The following MRPS17 variants were observed in gnomAD, a reference collection of about 807,000 sequenced individuals.
The protein encoded by MRPS17 is small ribosomal subunit protein uS17m.
Under a neutral mutation model 11.3 loss-of-function variants are expected in MRPS17, and 6 were observed. The observed-to-expected ratio is 0.53, with a 90% CI of 0.29 to 1.05. MRPS17 has a LOEUF of 1.05. Ranked by LOEUF, MRPS17 falls within the 50% of genes least tolerant of loss-of-function variation. The pLI is 0.08. For missense variants in MRPS17, 139 were observed against 153.6 expected (o/e 0.90, Z 0.50); for synonymous variants, 56 against 60.4 (o/e 0.93, Z 0.34).
intron 2 of MRPS17, 110 bp from the exon 3 acceptor site, chr7:55,954,799 C>T: frequency 1.5e-6 from 2 of 1,346,628 alleles, no homozygotes; most frequent in South Asian, 1.4e-5. Context: ...AGTATCTTAT[C>T]TTTTCCTAAG....
chr7:55,953,402 G>A, intron 2 of MRPS17, 84 bp downstream of exon 2: 1 of 1,555,880 alleles, frequency 6.4e-7, no homozygotes, highest in Non-Finnish European at 8.7e-7. Context: ...TTATCTCTCA[G>A]TAAAGATGTC....
Position 55,955,090 on chromosome 7 carries a change from G to T in MRPS17, c.305G>T (p.Gly102Val), listed in dbSNP as rs532041275. 3 of 1,614,150 alleles carry T rather than the reference G, an allele frequency of 1.9e-6. No homozygotes were observed. The South Asian group carries it at 3.3e-5, about 18-fold the overall frequency. Residue 102 changes from glycine (G) to valine (V), a missense_variant, in exon 3 of 3, where the codon GGA (glycine) becomes GTA (valine). Gly to Val is a moderately radical substitution (Grantham distance 109). Transcript: ENST00000285298. ...CCAGTGACAGGAAAGCCCTGTGCTG[G>T]AACTACCTACCTGGAGAGTCCGTTG... is the stretch of plus-strand genomic sequence containing the variant. ...IDPVTGKPCA[G>V]TTYLESPLSS...
intron 1 of MRPS17, among the ~76,000 whole-genome samples, chr7:55,952,622 C>A (rs894017829): frequency 5.9e-5 from 9 of 151,992 alleles, no homozygotes; most frequent in African/African-American, 1.9e-4. Flanking sequence ...GTAGTCCCGG[C>A]TACTCGGGAG....
At chr7:55,953,440 A>ATTT in intron 2 of MRPS17, 122 bp downstream of exon 2, 1 of 1,397,226 alleles carries the variant, frequency 7.2e-7, no homozygotes, top group African/African-American at 1.4e-5. Context: ...TGAGCCAGGC[A>ATTT]TTTTGCTGGT....
chr7:55,955,059 A>T lies in MRPS17; in HGVS notation c.274A>T (p.Ile92Leu), dbSNP rs1444894360. Residue 92 changes from isoleucine (I) to leucine (L), a missense_variant, in exon 3 of 3, where the codon ATA becomes TTA. By Grantham distance (5) the Ile-to-Leu change is conservative (BLOSUM62 2). Coordinates refer to ENST00000285298, the MANE Select transcript of MRPS17 (RefSeq NM_015969.3). ...GATCGTTTTCAAAGTTGGAAAAGTCATAGATCCAGTGACAGGAAAGCCCTG... is the reference window on the plus strand; with the variant it reads ...GATCGTTTTCAAAGTTGGAAAAGTCTTAGATCCAGTGACAGGAAAGCCCTG... The part of the protein sequence containing the change: ...AEIVFKVGKV[I>L]DPVTGKPCAG... 4 of 1,614,096 alleles carry T rather than the reference A, an allele frequency of 2.5e-6. No homozygotes were observed. Among genetic ancestry groups the T allele is most frequent in the Non-Finnish European group, 3.4e-6 (4 of 1,180,050 alleles).
rs1201457603 is a variant in MRPS17, at chr7:55,955,359, C to G, written c.*181C>G. 2 of 732,748 alleles carry G rather than the reference C, an allele frequency of 2.7e-6. No homozygotes were observed. The highest frequency in any genetic ancestry group is 4.4e-6 in the Non-Finnish European group (2 of 454,994). 45.4% of individuals were successfully genotyped at this position (732,748 alleles called of 1,614,324 possible). A position where few individuals can be genotyped will look rare whatever the true frequency, so the allele number is the denominator to read the frequency against. ...TTCACAAAGGTTTATGGTCGTGTTT[C>G]AAATTTTCATCATTTCAGTGAACAT... On this transcript the variant is annotated 3_prime_UTR_variant, in exon 3 of 3. Transcript: ENST00000285298.
In MRPS17 at chr7:55,956,445, A is replaced by G. The variant is rs560032349; in HGVS notation, c.*1267A>G. The G allele has an allele frequency of 6.6e-5, 10 of 152,228 alleles. No individual in the cohort carries two copies. Among genetic ancestry groups the G allele is most frequent in the Middle Eastern group, 3.4e-3 (1 of 294 alleles). The allele number at this position is 152,228 out of a possible 1,614,324, so 9.4% of individuals were successfully genotyped here. A position where few individuals can be genotyped will look rare whatever the true frequency, so the allele number is the denominator to read the frequency against. On this transcript the variant is annotated 3_prime_UTR_variant, in exon 3 of 3. Coordinates refer to ENST00000285298, the MANE Select transcript of MRPS17 (RefSeq NM_015969.3). Reference sequence around the variant, plus strand: ...CCAGCCACTGGTCAGAATTCTTTCAATCAAGCTGTGTTAATAAGAATATTG... The same window carrying G: ...CCAGCCACTGGTCAGAATTCTTTCAGTCAAGCTGTGTTAATAAGAATATTG...
chr7:55,953,531 C>T (rs1388052123), intron 2 of MRPS17, among the ~76,000 whole-genome samples: 2 of 152,148 alleles, frequency 1.3e-5, no homozygotes, highest in African/African-American at 4.8e-5. Flanking sequence ...ATTCTGTATG[C>T]AAAGTACTGG....
Position 55,954,841 on chromosome 7 carries a change from A to G in MRPS17, c.124-68A>G, listed in dbSNP as rs1225299956. The G allele has an allele frequency of 5.2e-6, 8 of 1,538,174 alleles. No individual in the cohort carries two copies. In the Admixed American group the frequency reaches 7.7e-5, roughly 15 times the overall value. ...CTTGTTTTCCATACGTTACTTTTTC[A>G]TATTACATATTACATTACCAGGTCA... On this transcript the variant is annotated intron_variant, in intron 2 of 2. Coordinates refer to ENST00000285298, the MANE Select transcript of MRPS17 (RefSeq NM_015969.3).
intron 2 of MRPS17, among the ~76,000 whole-genome samples, chr7:55,954,402 T>G (rs1273776626): frequency 2.0e-5 from 3 of 152,192 alleles, no homozygotes; most frequent in Non-Finnish European, 4.4e-5. Context: ...TTTTCTCATA[T>G]GTACCTGCTG....
intron 2 of MRPS17, among the ~76,000 whole-genome samples, chr7:55,953,693 G>A (rs1365613701): frequency 3.9e-5 from 6 of 152,150 alleles, no homozygotes; most frequent in East Asian, 1.9e-4. Flanking sequence ...ATAGTGGTGC[G>A]CACCTGTAAT....
Position 55,951,916 on chromosome 7 carries a change from A to G in MRPS17, c.-32A>G, listed in dbSNP as rs949526079. ...GGCGCTCCCCGGGGCAGGTGGCTGC[A>G]TAGTCTTGGCGGAGGTGAGTCTCGT... On this transcript the variant is annotated 5_prime_UTR_variant, in exon 1 of 3. Transcript: ENST00000285298. The G allele has an allele frequency of 1.3e-5, 2 of 152,630 alleles. No homozygotes were observed. The highest frequency in any genetic ancestry group is 6.5e-5 in the Admixed American group (1 of 15,288). The allele number at this position is 152,630 out of a possible 1,614,324, so 9.5% of individuals were successfully genotyped here.
rs140794464 is a variant in MRPS17, at chr7:55,955,621, G to A, written c.*443G>A. 1 of 138,096 alleles carries A rather than the reference G, an allele frequency of 7.2e-6. No homozygotes were observed. The highest frequency in any genetic ancestry group is 1.5e-5 in the Non-Finnish European group (1 of 68,374). 8.6% of individuals were successfully genotyped at this position (138,096 alleles called of 1,614,324 possible). ...GCTAATTTTTTTTTTTTTTTTTTTG[G>A]TATTTTTAGTAGAGACGGGGTTTCA... On this transcript the variant is annotated 3_prime_UTR_variant, in exon 3 of 3. Transcript: ENST00000285298.
chr7:55,954,055 G>T lies in MRPS17; in HGVS notation c.123+737G>T, dbSNP rs527672983. Among the ~76,000 whole-genome samples the T allele has an allele frequency of 9.9e-5, 15 of 152,138 alleles. No individual in the cohort carries two copies. In the South Asian group the frequency reaches 1.9e-3, roughly 19 times the overall value. On this transcript the variant is annotated intron_variant, in intron 2 of 2. Transcript: ENST00000285298. ...GGAAACACGGGTAGGGATGAAGACTGGAGGTAAGGGAATGGGCAAAGAGGC... is the reference window on the plus strand; with the variant it reads ...GGAAACACGGGTAGGGATGAAGACTTGAGGTAAGGGAATGGGCAAAGAGGC...
Position 55,954,983 on chromosome 7 carries a change from C to G in MRPS17, c.198C>G (p.Leu66=). The G allele has an allele frequency of 1.9e-6, 3 of 1,614,198 alleles. No individual in the cohort carries two copies. Among genetic ancestry groups the G allele is most frequent in the South Asian group, 2.2e-5 (2 of 91,086 alleles). The change falls in exon 3 of 3, where the codon CTC becomes CTG. Residue 66 remains leucine (L), a synonymous_variant. Transcript: ENST00000285298. ...QQCTVGDIVL[L]RALPVPRAKH... is the part of the protein sequence containing the mutation. Reference sequence around the variant, plus strand: ...GCACAGTTGGGGATATTGTGCTTCTCAGAGCTTTACCTGTTCCACGAGCAA... The same window carrying G: ...GCACAGTTGGGGATATTGTGCTTCTGAGAGCTTTACCTGTTCCACGAGCAA...
chr7:55,954,757 C>T (rs900889756), intron 2 of MRPS17, 152 bp from the exon 3 acceptor site: 4 of 911,802 alleles, frequency 4.4e-6, no homozygotes, highest in Non-Finnish European at 5.0e-6. Context: ...CTATATCACT[C>T]AGGCTCTAAT....
chr7:55,955,226 T>C lies in MRPS17; in HGVS notation c.*48T>C. ...AAAGGGAAAAACTGACATGTTTATG[T>C]TATGGAAAAAGAAATTTTTCTAAGT... On this transcript the variant is annotated 3_prime_UTR_variant, in exon 3 of 3. Coordinates refer to ENST00000285298, the MANE Select transcript of MRPS17 (RefSeq NM_015969.3). 2 of 1,562,388 alleles carry C rather than the reference T, an allele frequency of 1.3e-6. No individual in the cohort carries two copies. The highest frequency in any genetic ancestry group is 1.4e-5 in the African/African-American group (1 of 72,708).
Position 55,954,981 on chromosome 7 carries a change from C to T in MRPS17, c.196C>T (p.Leu66Phe), listed in dbSNP as rs1200232815. ...GTGCACAGTTGGGGATATTGTGCTTCTCAGAGCTTTACCTGTTCCACGAGC... is the reference window on the plus strand; with the variant it reads ...GTGCACAGTTGGGGATATTGTGCTTTTCAGAGCTTTACCTGTTCCACGAGC... ...QQCTVGDIVL[L>F]RALPVPRAKH... Residue 66 changes from leucine to phenylalanine, a missense_variant, in exon 3 of 3, where the codon CTC (leucine) becomes TTC (phenylalanine). By Grantham distance (22) the Leu-to-Phe change is conservative (BLOSUM62 0). Coordinates refer to ENST00000285298, the MANE Select transcript of MRPS17 (RefSeq NM_015969.3). 1 of 1,614,172 alleles carries T rather than the reference C, an allele frequency of 6.2e-7. No homozygotes were observed. Among genetic ancestry groups the T allele is most frequent in the South Asian group, 1.1e-5 (1 of 91,090 alleles).
In MRPS17 at chr7:55,955,182, G is replaced by A. The variant is rs368177330; in HGVS notation, c.*4G>A. 4.3e-5 allele frequency: 69 copies of A among 1,609,250 alleles called. No homozygotes were observed. The highest frequency in any genetic ancestry group is 1.7e-4 in the Middle Eastern group (1 of 6,046). ...CAATATCTCTTCAGCACAGTGAAGC[G>A]GGAGTGGAAGAAGGATCTAAAGGGA... is the stretch of plus-strand genomic sequence containing the variant. On this transcript the variant is annotated 3_prime_UTR_variant, in exon 3 of 3. Coordinates refer to ENST00000285298, the MANE Select transcript of MRPS17 (RefSeq NM_015969.3).
Sources: gnomAD v4.1 joint callset for allele counts (sites outside exome capture counted in the v4.1 genomes callset) on GRCh38, gnomAD v4.1.1 for gene constraint, MANE v1.5 for transcripts, NCBI Gene and HGNC (gene_info 2026-07-23, HGNC 2026-07-21) for gene names.